The following AGBL1 variants were observed in gnomAD, a reference collection of about 807,000 sequenced individuals.
AGBL1 encodes cytosolic carboxypeptidase 4.
In AGBL1, 130 loss-of-function variants were observed where a neutral mutation model predicts 118.9. That is an observed-to-expected ratio of 1.09 (90% CI 0.95 to 1.26). The LOEUF is 1.26. Ranked by LOEUF, AGBL1 falls within the 50% of genes most tolerant of loss-of-function variation. The probability of loss-of-function intolerance (pLI) is 0.00; values close to 1 mark genes in which losing one functional copy is unlikely to be tolerated. For missense variants in AGBL1, 1,584 were observed against 1,298.1 expected (o/e 1.22, Z -3.38); for synonymous variants, 555 against 478.9 (o/e 1.16, Z -2.08).
intron 22 of AGBL1, among the ~76,000 whole-genome samples, chr15:86,874,301 A>T (rs1438041234): frequency 6.6e-6 from 1 of 152,002 alleles, no homozygotes; most frequent in African/African-American, 2.4e-5. Flanking sequence ...AAGAAAAATT[A>T]TGGTGCTATG....
chr15:86,504,426 A>G (rs1175127049), intron 18 of AGBL1, among the ~76,000 whole-genome samples: 1 of 151,558 alleles, frequency 6.6e-6, no homozygotes, highest in African/African-American at 2.4e-5. Flanking sequence ...CTGATTTTAA[A>G]AAAGGTTTTA....
At chr15:86,837,486 T>C (rs1386231162) in intron 22 of AGBL1, among the ~76,000 whole-genome samples, 1 of 152,208 alleles carries the variant, frequency 6.6e-6, no homozygotes, top group Non-Finnish European at 1.5e-5. Context: ...TTACATATTT[T>C]TATGGCTTCT....
intron 22 of AGBL1, among the ~76,000 whole-genome samples, chr15:86,863,395 GCTGCAAC>G (rs2079584950): frequency 6.6e-6 from 1 of 152,146 alleles, no homozygotes; most frequent in African/African-American, 2.4e-5. Flanking sequence ...CGTGTGAGCA[GCTGCAAC>G]TGTGACTCAG....
At chr15:86,128,480 C>A (rs1567072360) in intron 1 of AGBL1, among the ~76,000 whole-genome samples, 1 of 152,138 alleles carries the variant, frequency 6.6e-6, no homozygotes, top group Non-Finnish European at 1.5e-5. Context: ...GAGATATGTG[C>A]AAAGTTTATG....
chr15:86,797,472 G>A (rs143138346), intron 22 of AGBL1, among the ~76,000 whole-genome samples: 2,203 of 152,266 alleles, frequency 0.014, 16 homozygotes, highest in Non-Finnish European at 0.021. Context: ...TATCCTGCAG[G>A]CATTTCAACC....
chr15:86,687,486 C>G (rs1277753197), intron 22 of AGBL1, among the ~76,000 whole-genome samples: 1 of 152,096 alleles, frequency 6.6e-6, no homozygotes, highest in African/African-American at 2.4e-5. Context: ...AATAGATTGA[C>G]AGAATCTAAC....
chr15:86,288,793 G>A (rs1049864611), intron 16 of AGBL1, among the ~76,000 whole-genome samples: 2 of 152,048 alleles, frequency 1.3e-5, no homozygotes, highest in Non-Finnish European at 2.9e-5. Context: ...CCGAGGTGCT[G>A]TCTTAAAATC....
intron 21 of AGBL1, among the ~76,000 whole-genome samples, chr15:86,564,743 T>C (rs904989373): frequency 2.0e-5 from 3 of 152,238 alleles, no homozygotes; most frequent in Non-Finnish European, 4.4e-5. Flanking sequence ...CTTGGTTCCA[T>C]TCACCCCATC....
intron 17 of AGBL1, among the ~76,000 whole-genome samples, chr15:86,310,238 A>G (rs1463498242): frequency 2.6e-5 from 4 of 152,204 alleles, no homozygotes; most frequent in Non-Finnish European, 5.9e-5. Context: ...GTAGTCGCTT[A>G]TGATCCTTTG....
intron 1 of AGBL1, among the ~76,000 whole-genome samples, chr15:86,126,237 A>G (rs924504837): frequency 2.6e-5 from 4 of 152,184 alleles, no homozygotes; most frequent in Non-Finnish European, 5.9e-5. Context: ...GGTGTGAACT[A>G]TAAGAAAGAT....
chr15:86,386,406 G>A (rs889541214), intron 17 of AGBL1, among the ~76,000 whole-genome samples: 5 of 149,256 alleles, frequency 3.3e-5, no homozygotes, highest in African/African-American at 1.2e-4. Context: ...TTGATTTTAT[G>A]CTAGACGAGG....
At chr15:86,175,947 G>A in intron 5 of AGBL1, among the ~76,000 whole-genome samples, 1 of 152,180 alleles carries the variant, frequency 6.6e-6, no homozygotes. Context: ...CTGATGAGAG[G>A]AATGTGTATT....
chr15:86,223,040 C>A (rs1226341360), intron 5 of AGBL1, among the ~76,000 whole-genome samples: 1 of 152,150 alleles, frequency 6.6e-6, no homozygotes, highest in South Asian at 2.1e-4. Flanking sequence ...GGTTAGAGAC[C>A]CACACTTTGA....
intron 24 of AGBL1, among the ~76,000 whole-genome samples, chr15:87,010,524 C>T (rs1481795802): frequency 2.0e-5 from 3 of 152,190 alleles, no homozygotes; most frequent in African/African-American, 4.8e-5. Flanking sequence ...TGAATTCACT[C>T]TTTCTGCTGG....
Position 86,908,161 on chromosome 15 carries a change from A to G in AGBL1, c.*867A>G, listed in dbSNP as rs1024225380. ...AAATGTGGATAAGTATATCTATATC[A>G]TAAAATTATTGTAGGATGAAATGAG... is the stretch of plus-strand genomic sequence containing the variant. On this transcript the variant is annotated 3_prime_UTR_variant, in exon 23 of 23. Coordinates refer to ENST00000614907, the MANE Select transcript of AGBL1 (RefSeq NM_001386094.1). 1 of 152,348 alleles carries G rather than the reference A, an allele frequency of 6.6e-6. No homozygotes were observed. Among genetic ancestry groups the G allele is most frequent in the Admixed American group, 6.5e-5 (1 of 15,302 alleles). The allele number at this position is 152,348 out of a possible 1,614,324, so 9.4% of individuals were successfully genotyped here.
chr15:86,401,304 T>A (rs2141996641), intron 18 of AGBL1, among the ~76,000 whole-genome samples: 1 of 152,184 alleles, frequency 6.6e-6, no homozygotes, highest in East Asian at 1.9e-4. Context: ...TGATGGGATT[T>A]TTTTTTCTTG....
At chr15:86,833,799 A>G (rs985021880) in intron 22 of AGBL1, among the ~76,000 whole-genome samples, 3 of 152,178 alleles carry the variant, frequency 2.0e-5, no homozygotes, top group African/African-American at 4.8e-5. Flanking sequence ...TGTCCCCAGT[A>G]CTTAAGATAC....
chr15:86,420,589 A>T, intron 18 of AGBL1, among the ~76,000 whole-genome samples: 1 of 152,216 alleles, frequency 6.6e-6, no homozygotes, highest in South Asian at 2.1e-4. Context: ...CCAGCAAGGG[A>T]ACAAAACTGG....
chr15:86,526,567 TATATATAC>T (rs960880042), intron 19 of AGBL1, among the ~76,000 whole-genome samples: 11 of 131,968 alleles, frequency 8.3e-5, no homozygotes, highest in Admixed American at 1.5e-4. Flanking sequence ...TATATATATA[TATATATAC>T]ACACAGAGTA....
Sources: allele counts gnomAD v4.1 joint callset (sites outside exome capture counted in the v4.1 genomes callset), GRCh38; gene constraint gnomAD v4.1.1; transcripts MANE v1.5; gene names NCBI Gene and HGNC (gene_info 2026-07-23, HGNC 2026-07-21).